MTARC1: variants seen among roughly 807,000 people sequenced by gnomAD.
MTARC1 encodes mitochondrial amidoxime reducing component 1.
A neutral mutation model predicts 33.6 loss-of-function variants in MTARC1; 24 were observed. The observed-to-expected ratio is 0.72, with a 90% CI of 0.52 to 1.01. The LOEUF (loss-of-function observed/expected upper bound fraction) is 1.01. MTARC1 is among the 50% of genes least tolerant of loss of function. The pLI is 0.00. For synonymous variants in MTARC1, 187 were observed against 189.5 expected (o/e 0.99, Z 0.11); for missense variants, 417 against 445.7 (o/e 0.94, Z 0.58).
rs1467261931 is a variant in MTARC1, at chr1:220,793,399, G to A, written c.449+1735G>A. The A allele has an allele frequency of 3.3e-5, 5 of 152,144 alleles. No homozygotes were observed. In the East Asian group the frequency reaches 9.6e-4, roughly 29 times the overall value. 9.4% of individuals were successfully genotyped at this position (152,144 alleles called of 1,614,324 possible). A position where few individuals can be genotyped will look rare whatever the true frequency, so the allele number is the denominator to read the frequency against. On this transcript the variant is annotated intron_variant, in intron 2 of 6. Transcript: ENST00000366910. Reference sequence around the variant, plus strand: ...ATGGGCATTTGGTCCATGCCCAAAAGACTAAACAAGGGCATGCTTGCAAAT... The same window carrying A: ...ATGGGCATTTGGTCCATGCCCAAAAAACTAAACAAGGGCATGCTTGCAAAT...
intron 6 of MTARC1, among the ~76,000 whole-genome samples, chr1:220,810,334 G>A (rs1047358257): frequency 6.6e-6 from 1 of 152,140 alleles, no homozygotes; most frequent in African/African-American, 2.4e-5. Context: ...TAGTGACCTC[G>A]TTGAGTCTTC....
At chr1:220,799,907 A>T (rs1423005926) in intron 4 of MTARC1, among the ~76,000 whole-genome samples, 1 of 152,250 alleles carries the variant, frequency 6.6e-6, no homozygotes, top group Non-Finnish European at 1.5e-5. Context: ...GTGAGAATCA[A>T]GGTCGATGAC....
Position 220,787,197 on chromosome 1 carries a change from C to A in MTARC1, c.253C>A (p.Arg85Ser). The change falls in exon 1 of 7, where the codon CGC becomes AGC. Residue 85 changes from arginine to serine, a missense_variant. By Grantham distance (110) the Arg-to-Ser change is moderately radical (BLOSUM62 -1). Transcript: ENST00000366910. ...SEAECTAMGL[R>S]SGNLRDRFWL... ...GGCGGAGTGCACGGCCATGGGGCTG[C>A]GCAGCGGCAACCTGCGGGACAGGTA... 6.3e-7 allele frequency: 1 copy of A among 1,576,364 alleles called. No individual in the cohort carries two copies. Among genetic ancestry groups the A allele is most frequent in the Non-Finnish European group, 8.6e-7 (1 of 1,162,192 alleles).
intron 2 of MTARC1, among the ~76,000 whole-genome samples, chr1:220,794,848 G>A (rs1187184647): frequency 6.6e-6 from 1 of 152,086 alleles, no homozygotes; most frequent in Non-Finnish European, 1.5e-5. Context: ...TGTGTGAAAA[G>A]GTATCAAGTC....
intron 6 of MTARC1, chr1:220,809,028 A>G (rs1442056787): frequency 4.7e-6 from 2 of 427,362 alleles, no homozygotes; most frequent in Admixed American, 2.7e-5. Context: ...CAGTAATGAC[A>G]TTTGCCAGCA....
At chr1:220,800,142 A>G (rs1672743580) in intron 4 of MTARC1, among the ~76,000 whole-genome samples, 1 of 152,202 alleles carries the variant, frequency 6.6e-6, no homozygotes, top group South Asian at 2.1e-4. Flanking sequence ...GGCCCAGAGT[A>G]GAACTTCAGA....
chr1:220,801,226 C>CT (rs1391533690), intron 4 of MTARC1, among the ~76,000 whole-genome samples: 1 of 152,112 alleles, frequency 6.6e-6, no homozygotes, highest in Non-Finnish European at 1.5e-5. Flanking sequence ...CCATACTGGC[C>CT]TTTTTTCTGG....
rs1673288042 is a variant in MTARC1 at position 220,816,675 on chromosome 1, G to A, written c.*3257G>A. Reference sequence around the variant, plus strand: ...AATGCCAGTGAGCCAAGGAATCCCAGTTAGCAGGAGGGGTGCACTCATGGG... The same window carrying A: ...AATGCCAGTGAGCCAAGGAATCCCAATTAGCAGGAGGGGTGCACTCATGGG... On this transcript the variant is annotated 3_prime_UTR_variant, in exon 7 of 7. Transcript: ENST00000366910. The A allele has an allele frequency of 6.6e-6, 1 of 152,272 alleles. No individual in the cohort carries two copies. Among genetic ancestry groups the A allele is most frequent in the Non-Finnish European group, 1.5e-5 (1 of 68,076 alleles). The allele number at this position is 152,272 out of a possible 1,614,324, so 9.4% of individuals were successfully genotyped here.
At chr1:220,798,563 G>A (rs1672692888) in intron 4 of MTARC1, 7 of 985,288 alleles carry the variant, frequency 7.1e-6, no homozygotes, top group Non-Finnish European at 8.4e-6. Context: ...TTGGTTTCTG[G>A]GATTCCACAG....
intron 1 of MTARC1, 71 bp downstream of exon 1, chr1:220,787,290 AG>A: frequency 6.8e-7 from 1 of 1,462,612 alleles, no homozygotes; most frequent in South Asian, 1.3e-5. Flanking sequence ...GGAGGAGCGC[AG>A]GGGAGGTCTG....
In MTARC1 at chr1:220,816,391, C is replaced by T. The variant is rs899065390; in HGVS notation, c.*2973C>T. ...ACCAGACCTTGATTGTGGGTATAAT[C>T]GGAGTGTTGCTACCACACCCTAACA... On this transcript the variant is annotated 3_prime_UTR_variant, in exon 7 of 7. Transcript: ENST00000366910. 6 of 152,178 alleles carry T rather than the reference C, an allele frequency of 3.9e-5. No individual in the cohort carries two copies. Among genetic ancestry groups the T allele is most frequent in the East Asian group, 1.9e-4 (1 of 5,188 alleles). The allele number at this position is 152,178 out of a possible 1,614,324, so 9.4% of individuals were successfully genotyped here. A position where few individuals can be genotyped will look rare whatever the true frequency, so the allele number is the denominator to read the frequency against.
chr1:220,810,613 G>A lies in MTARC1; in HGVS notation c.888-2679G>A, dbSNP rs572055870. On this transcript the variant is annotated intron_variant, in intron 6 of 6. Coordinates refer to ENST00000366910, the MANE Select transcript of MTARC1 (RefSeq NM_022746.4). ...GTTTAGGGAGGCTGTGCCGAGAGGGGCAGCCGCTCTTTACGGTCCTCTGCT... is the reference window on the plus strand; with the variant it reads ...GTTTAGGGAGGCTGTGCCGAGAGGGACAGCCGCTCTTTACGGTCCTCTGCT... Among the ~76,000 whole-genome samples the A allele has an allele frequency of 5.3e-5, 8 of 152,370 alleles. No homozygotes were observed. In the South Asian group the frequency reaches 8.3e-4, roughly 16 times the overall value.
rs549496237 is a variant in MTARC1 at position 220,809,428 on chromosome 1, C to G, written c.888-3864C>G. 2.0e-5 allele frequency among the ~76,000 whole-genome samples: 3 copies of G among 152,304 alleles called. No individual in the cohort carries two copies. In the East Asian group the frequency reaches 5.8e-4, roughly 29 times the overall value. The stretch of plus-strand genomic sequence containing the variant: ...AACCTAACACGAACTTGCCCAGCGG[C>G]CAGCCTCTGGAGGTTCAGTGTGGCA... On this transcript the variant is annotated intron_variant, in intron 6 of 6. Transcript: ENST00000366910.
In MTARC1 at chr1:220,797,861, A is replaced by G; in HGVS notation, c.613-13A>G. 1 of 1,613,804 alleles carries G rather than the reference A, an allele frequency of 6.2e-7. No individual in the cohort carries two copies. Among genetic ancestry groups the G allele is most frequent in the Non-Finnish European group, 8.5e-7 (1 of 1,179,826 alleles). On this transcript the variant is annotated splice_polypyrimidine_tract_variant and intron_variant, in intron 3 of 6. Transcript: ENST00000366910. ...TGTGCCATGTGTTATAACAATGTCTATTTCCTTATCAGATTGCTTACTCAG... is the reference window on the plus strand; with the variant it reads ...TGTGCCATGTGTTATAACAATGTCTGTTTCCTTATCAGATTGCTTACTCAG...
At chr1:220,797,807 C>T in intron 3 of MTARC1, 67 bp from the exon 4 acceptor site, 4 of 1,495,570 alleles carry the variant, frequency 2.7e-6, no homozygotes, top group Non-Finnish European at 3.7e-6. Flanking sequence ...TGTCTAGGAA[C>T]TAGGCACACC....
chr1:220,802,874 A>C (rs1672857934), intron 4 of MTARC1, among the ~76,000 whole-genome samples: 1 of 152,168 alleles, frequency 6.6e-6, no homozygotes. Context: ...CCTAGAGCTG[A>C]TCAGCGTGAT....
chr1:220,787,345 G>C (rs1366948770), intron 1 of MTARC1, 126 bp downstream of exon 1: 4 of 1,335,034 alleles, frequency 3.0e-6, no homozygotes, highest in Non-Finnish European at 2.9e-6. Flanking sequence ...AAAGAAACTG[G>C]GAGTTGGGTG....
intron 4 of MTARC1, among the ~76,000 whole-genome samples, chr1:220,801,353 C>A (rs533862247): frequency 4.6e-5 from 7 of 151,528 alleles, no homozygotes; most frequent in East Asian, 3.9e-4. Flanking sequence ...CAGCCCCCCC[C>A]ACAGCACACA....
At position 220,791,809 on chromosome 1, in the gene MTARC1, A is replaced by G. The variant is rs61125677; in HGVS notation, c.449+145A>G. 666 of 851,588 alleles carry G rather than the reference A, an allele frequency of 7.8e-4. 4 individuals carry two copies. The African/African-American group carries it at 9.7e-3, about 12-fold the overall frequency. The allele number at this position is 851,588 out of a possible 1,614,324, so 52.8% of individuals were successfully genotyped here. ...TACCATATACAGAATGAAGTCCTCA[A>G]CATTATGAAGATCTAAAAGAAGGAG... is the stretch of plus-strand genomic sequence containing the variant. On this transcript the variant is annotated intron_variant, in intron 2 of 6. Coordinates refer to ENST00000366910, the MANE Select transcript of MTARC1 (RefSeq NM_022746.4).
Sources: gnomAD v4.1 joint callset for allele counts (sites outside exome capture counted in the v4.1 genomes callset) on GRCh38, gnomAD v4.1.1 for gene constraint, MANE v1.5 for transcripts, NCBI Gene and HGNC (gene_info 2026-07-23, HGNC 2026-07-21) for gene names.